MYBL1: variants seen among roughly 807,000 people sequenced by gnomAD.
MYBL1 encodes the protein myb-related protein A.
MYBL1 carries 17 observed loss-of-function variants against 96.3 expected under a neutral mutation model. That is an observed-to-expected ratio of 0.18 (90% CI 0.12 to 0.26). The LOEUF (loss-of-function observed/expected upper bound fraction) is 0.26. MYBL1 is among the 10% of genes least tolerant of loss of function. The pLI is 1.00. For missense variants in MYBL1, 701 were observed against 882.9 expected (o/e 0.79, Z 2.61); for synonymous variants, 282 against 292.7 (o/e 0.96, Z 0.37).
intron 8 of MYBL1, among the ~76,000 whole-genome samples, chr8:66,588,196 G>GAT (rs1263938981): frequency 6.6e-6 from 1 of 150,662 alleles, no homozygotes; most frequent in African/African-American, 2.4e-5. Flanking sequence ...GTGAGAAAAA[G>GAT]ATCCAACACA....
chr8:66,599,290 A>C lies in MYBL1; in HGVS notation c.199-148T>G, dbSNP rs530046470. Reference sequence around the variant, plus strand: ...TAAACATGTAACATTTATGTTACATATCTCTGCCCCAATTATGTTTTTTCT... The same window carrying C: ...TAAACATGTAACATTTATGTTACATCTCTCTGCCCCAATTATGTTTTTTCT... On this transcript the variant is annotated intron_variant, in intron 3 of 15. Coordinates refer to ENST00000522677, the MANE Select transcript of MYBL1 (RefSeq NM_001080416.4). The C allele has an allele frequency of 1.0e-4, 52 of 503,706 alleles. No individual in the cohort carries two copies. In the South Asian group the frequency reaches 1.6e-3, roughly 16 times the overall value. 31.2% of individuals were successfully genotyped at this position (503,706 alleles called of 1,614,324 possible).
chr8:66,597,341 T>C lies in MYBL1; in HGVS notation c.501A>G (p.Leu167=), dbSNP rs1288747607. ...ATTTATATAAGCACCTTCCTGGAAG[T>C]AGTTTGGCAATTTCTGCCCAACGAT... ...LGNRWAEIAK[L]LPGRTDNSIK... The change falls in exon 5 of 16, where the codon CTA becomes CTG. Residue 167 remains leucine (L), a synonymous_variant. Transcript: ENST00000522677. The C allele has an allele frequency of 5.0e-6, 8 of 1,597,182 alleles. No homozygotes were observed. Among genetic ancestry groups the C allele is most frequent in the Admixed American group, 1.7e-5 (1 of 57,600 alleles).
At chr8:66,599,875 C>T (rs1810000828) in intron 3 of MYBL1, among the ~76,000 whole-genome samples, 3 of 151,784 alleles carry the variant, frequency 2.0e-5, no homozygotes, top group African/African-American at 7.3e-5. Flanking sequence ...CCTAACTATA[C>T]AGTTTTAAAG....
intron 9 of MYBL1, among the ~76,000 whole-genome samples, chr8:66,578,096 C>T (rs1275070717): frequency 6.6e-6 from 1 of 152,082 alleles, no homozygotes; most frequent in Non-Finnish European, 1.5e-5. Flanking sequence ...GGATTAAAGA[C>T]TTAAACGTTA....
intron 8 of MYBL1, among the ~76,000 whole-genome samples, chr8:66,586,223 T>C (rs1195292198): frequency 1.3e-5 from 2 of 151,956 alleles, no homozygotes; most frequent in African/African-American, 4.8e-5. Flanking sequence ...GTTTTGTATT[T>C]TTTGTAAAGA....
chr8:66,564,882 C>T, intron 15 of MYBL1, 57 bp from the exon 16 acceptor site: 1 of 1,204,428 alleles, frequency 8.3e-7, no homozygotes, highest in Non-Finnish European at 1.1e-6. Context: ...ATCTATATCA[C>T]AATTAGACTC....
chr8:66,583,175 A>T (rs954235431), intron 8 of MYBL1, among the ~76,000 whole-genome samples: 4 of 152,214 alleles, frequency 2.6e-5, no homozygotes, highest in Non-Finnish European at 5.9e-5. Flanking sequence ...TAAAACTAGA[A>T]ATCAATAACA....
intron 1 of MYBL1, among the ~76,000 whole-genome samples, chr8:66,606,429 T>C (rs1259646110): frequency 6.6e-6 from 1 of 152,226 alleles, no homozygotes; most frequent in Admixed American, 6.5e-5. Flanking sequence ...TCATTCTGAT[T>C]TCACAGAGCA....
intron 7 of MYBL1, 137 bp downstream of exon 7, chr8:66,592,983 T>C (rs1344722664): frequency 3.6e-6 from 2 of 554,326 alleles, no homozygotes; most frequent in African/African-American, 3.8e-5. Context: ...CTTTCTTCTT[T>C]ATAGTTAGAG....
intron 8 of MYBL1, among the ~76,000 whole-genome samples, chr8:66,582,691 CTGGGGGGA>C: frequency 6.8e-6 from 1 of 146,514 alleles, no homozygotes; most frequent in Non-Finnish European, 1.5e-5. Context: ...GTATTTCAGC[CTGGGGGGA>C]CGGAGTGAAA....
At chr8:66,578,781 A>G (rs1189337415) in intron 9 of MYBL1, among the ~76,000 whole-genome samples, 201 of 152,322 alleles carry the variant, frequency 1.3e-3, no homozygotes, top group African/African-American at 4.6e-3. Context: ...ACATGCACAC[A>G]TATGTTTATT....
chr8:66,586,421 A>G (rs1257561729), intron 8 of MYBL1, among the ~76,000 whole-genome samples: 1 of 152,186 alleles, frequency 6.6e-6, no homozygotes, highest in African/African-American at 2.4e-5. Context: ...GACAATGGGT[A>G]TATTAAAAAA....
intron 8 of MYBL1, among the ~76,000 whole-genome samples, chr8:66,584,596 C>T (rs750481038): frequency 2.0e-5 from 3 of 152,078 alleles, no homozygotes; most frequent in South Asian, 2.1e-4. Flanking sequence ...TGGTGGCTCA[C>T]GCCTGTAATA....
intron 1 of MYBL1, among the ~76,000 whole-genome samples, chr8:66,610,522 T>C (rs114912519): frequency 0.012 from 1,798 of 152,200 alleles, 38 homozygotes; most frequent in African/African-American, 0.039. Flanking sequence ...TAAGTGGTTG[T>C]ATACTGGAGA....
intron 7 of MYBL1, 94 bp downstream of exon 7, chr8:66,593,026 T>C (rs1344029484): frequency 2.3e-5 from 17 of 739,888 alleles, no homozygotes; most frequent in Non-Finnish European, 3.6e-5. Context: ...ATTATTTTTA[T>C]ACTAGTTTAA....
intron 12 of MYBL1, 72 bp from the exon 13 acceptor site, chr8:66,567,064 C>T (rs2129693566): frequency 1.0e-6 from 1 of 954,462 alleles, no homozygotes; most frequent in South Asian, 1.5e-5. Flanking sequence ...TATAGGAAAC[C>T]CATCTTTTAT....
rs989272604 is a variant in MYBL1, at chr8:66,563,940, T to G, written c.*757A>C. 6.6e-6 allele frequency: 1 copy of G among 152,464 alleles called. No individual in the cohort carries two copies. Among genetic ancestry groups the G allele is most frequent in the African/African-American group, 2.4e-5 (1 of 41,444 alleles). 9.4% of individuals were successfully genotyped at this position (152,464 alleles called of 1,614,324 possible). ...GGCACCCTGTATACGTATAAATATC[T>G]ACATTTAAGCTTTAAAAATAAAAAT... On this transcript the variant is annotated 3_prime_UTR_variant, in exon 16 of 16. Transcript: ENST00000522677.
chr8:66,594,134 CAAAA>C (rs983506253), intron 6 of MYBL1, among the ~76,000 whole-genome samples: 3 of 145,954 alleles, frequency 2.1e-5, no homozygotes, highest in Non-Finnish European at 4.5e-5. Flanking sequence ...GATTCTGTCT[CAAAA>C]AGAAAAAAAA....
chr8:66,564,468 TA>T lies in MYBL1; in HGVS notation c.*228del, dbSNP rs1184094765. 1.3e-5 allele frequency: 4 copies of T among 298,816 alleles called. No homozygotes were observed. The highest frequency in any genetic ancestry group is 2.4e-5 in the Non-Finnish European group (4 of 163,778). The allele number at this position is 298,816 out of a possible 1,614,324, so 18.5% of individuals were successfully genotyped here. On this transcript the variant is annotated 3_prime_UTR_variant, in exon 16 of 16. Coordinates refer to ENST00000522677, the MANE Select transcript of MYBL1 (RefSeq NM_001080416.4). ...TCTATTATTTTCCCATCTTGTTCTT[TA>T]AAAACAATTTTTAAAAATCTCATCT... is the stretch of plus-strand genomic sequence containing the variant.
Sources: allele counts gnomAD v4.1 joint callset (sites outside exome capture counted in the v4.1 genomes callset), GRCh38; gene constraint gnomAD v4.1.1; transcripts MANE v1.5; gene names NCBI Gene and HGNC (gene_info 2026-07-23, HGNC 2026-07-21).